PLCB4: variants seen among roughly 807,000 people sequenced by gnomAD.
PLCB4 encodes 1-phosphatidylinositol 4,5-bisphosphate phosphodiesterase beta-4.
PLCB4 carries 77 observed loss-of-function variants against 178.8 expected under a neutral mutation model. The observed-to-expected ratio is 0.43, with a 90% CI of 0.36 to 0.52. The LOEUF (loss-of-function observed/expected upper bound fraction) is 0.52. Ranked by LOEUF, PLCB4 falls within the 20% of genes least tolerant of loss-of-function variation. The pLI is 0.00. For missense variants in PLCB4, 1,024 were observed against 1,453.4 expected (o/e 0.70, Z 4.80); for synonymous variants, 496 against 490.8 (o/e 1.01, Z -0.14).
chr20:9,111,775 C>G (rs2091580809), intron 2 of PLCB4, among the ~76,000 whole-genome samples: 6 of 152,202 alleles, frequency 3.9e-5, no homozygotes, highest in Admixed American at 3.9e-4. Context: ...AAAATAGCCT[C>G]TTTGAGACGA....
At chr20:9,088,500 C>A (rs1051424907) in intron 1 of PLCB4, among the ~76,000 whole-genome samples, 1 of 152,136 alleles carries the variant, frequency 6.6e-6, no homozygotes, top group African/African-American at 2.4e-5. Context: ...ATTTATAATT[C>A]GTGAACTGCC....
chr20:9,435,436 A>G (rs1164041133), intron 28 of PLCB4, 124 bp from the exon 29 acceptor site: 1 of 592,378 alleles, frequency 1.7e-6, no homozygotes, highest in Admixed American at 3.2e-5. Flanking sequence ...CTTATGTCCT[A>G]GGAAAAGATT....
intron 1 of PLCB4, among the ~76,000 whole-genome samples, chr20:9,085,559 C>G (rs1454252468): frequency 6.6e-6 from 1 of 152,086 alleles, no homozygotes; most frequent in South Asian, 2.1e-4. Context: ...AAATTAGTAT[C>G]TAAGCAATGC....
At chr20:9,178,298 G>A (rs897393523) in intron 2 of PLCB4, among the ~76,000 whole-genome samples, 2 of 152,130 alleles carry the variant, frequency 1.3e-5, no homozygotes, top group African/African-American at 4.8e-5. Context: ...TCCAGCCTGG[G>A]CAATAGGAGT....
At chr20:9,174,145 G>GT (rs1182177621) in intron 2 of PLCB4, among the ~76,000 whole-genome samples, 2 of 151,646 alleles carry the variant, frequency 1.3e-5, no homozygotes, top group East Asian at 1.9e-4. Context: ...GTTTTGTTTT[G>GT]TTTTTTTCTC....
intron 2 of PLCB4, among the ~76,000 whole-genome samples, chr20:9,152,512 G>A (rs980308528): frequency 6.6e-6 from 1 of 152,216 alleles, no homozygotes; most frequent in Admixed American, 6.5e-5. Flanking sequence ...AGCCTTGGCA[G>A]CTTCCATGTT....
At chr20:9,137,475 T>C (rs1222743679) in intron 2 of PLCB4, among the ~76,000 whole-genome samples, 1 of 152,108 alleles carries the variant, frequency 6.6e-6, no homozygotes. Context: ...TGGTAATCTG[T>C]TTTTCTCCTG....
chr20:9,191,851 C>T (rs575045005), intron 2 of PLCB4, among the ~76,000 whole-genome samples: 38 of 151,500 alleles, frequency 2.5e-4, no homozygotes, highest in African/African-American at 8.2e-4. Context: ...ATGGTCATGG[C>T]TATGTCCAGA....
At chr20:9,163,602 T>G (rs1413011731) in intron 2 of PLCB4, among the ~76,000 whole-genome samples, 1 of 152,098 alleles carries the variant, frequency 6.6e-6, no homozygotes, top group Non-Finnish European at 1.5e-5. Flanking sequence ...TGGTAATAAA[T>G]TTTTGTAAAT....
intron 3 of PLCB4, among the ~76,000 whole-genome samples, chr20:9,254,417 G>T (rs6086825): frequency 6.6e-6 from 1 of 152,140 alleles, no homozygotes; most frequent in Admixed American, 6.6e-5. Context: ...TGTCTTGGCC[G>T]GGCGTGGTGG....
intron 4 of PLCB4, among the ~76,000 whole-genome samples, chr20:9,310,959 T>G (rs1568565565): frequency 1.3e-5 from 2 of 152,248 alleles, no homozygotes. Flanking sequence ...TGTACTTTTC[T>G]AACTTTACTT....
At chr20:9,106,231 A>T (rs936696578) in intron 2 of PLCB4, among the ~76,000 whole-genome samples, 1 of 151,998 alleles carries the variant, frequency 6.6e-6, no homozygotes, top group African/African-American at 2.4e-5. Context: ...TTAAACCAAC[A>T]GTGGTATATT....
chr20:9,405,196 A>G, intron 20 of PLCB4, 117 bp from the exon 21 acceptor site: 1 of 583,634 alleles, frequency 1.7e-6, no homozygotes, highest in Non-Finnish European at 3.0e-6. Flanking sequence ...CACCTTAGCA[A>G]ATAAATAGAA....
intron 38 of PLCB4, among the ~76,000 whole-genome samples, chr20:9,475,216 G>A (rs2044465241): frequency 1.3e-5 from 2 of 152,232 alleles, no homozygotes; most frequent in African/African-American, 4.8e-5. Flanking sequence ...CAACAAGTTT[G>A]ACTAAAGAAT....
intron 3 of PLCB4, among the ~76,000 whole-genome samples, chr20:9,304,740 T>C (rs2094745572): frequency 6.7e-6 from 1 of 148,562 alleles, no homozygotes; most frequent in South Asian, 2.2e-4. Context: ...TGATGTATTA[T>C]TACTCTGCCT....
intron 15 of PLCB4, among the ~76,000 whole-genome samples, chr20:9,389,297 G>A (rs1035713825): frequency 3.5e-4 from 53 of 152,100 alleles, no homozygotes; most frequent in African/African-American, 1.2e-3. Flanking sequence ...CTTGACCAAC[G>A]AGAACCCCTT....
chr20:9,358,850 G>T (rs753127819), intron 7 of PLCB4, among the ~76,000 whole-genome samples: 53 of 151,868 alleles, frequency 3.5e-4, no homozygotes, highest in Non-Finnish European at 7.1e-4. Flanking sequence ...AGTGAACCGA[G>T]ATCCCACCAC....
intron 2 of PLCB4, among the ~76,000 whole-genome samples, chr20:9,158,652 A>ATTATGTGTG: frequency 6.6e-6 from 1 of 152,062 alleles, no homozygotes; most frequent in East Asian, 1.9e-4. Flanking sequence ...ATGGAAAACT[A>ATTATGTGTG]TTATGTGTGC....
intron 2 of PLCB4, among the ~76,000 whole-genome samples, chr20:9,121,769 CA>C (rs1196342990): frequency 6.6e-6 from 1 of 152,082 alleles, no homozygotes; most frequent in East Asian, 1.9e-4. Context: ...TTCAGAAATG[CA>C]ATGCAATGCT....
Sources: allele counts gnomAD v4.1 joint callset (sites outside exome capture counted in the v4.1 genomes callset), GRCh38; gene constraint gnomAD v4.1.1; transcripts MANE v1.5; gene names NCBI Gene and HGNC (gene_info 2026-07-23, HGNC 2026-07-21).